PSME4: variants seen among roughly 807,000 people sequenced by gnomAD.
The protein encoded by PSME4 is proteasome activator subunit 4, also known as proteasome activator complex subunit 4.
PSME4 carries 89 observed loss-of-function variants against 253.9 expected under a neutral mutation model. That is an observed-to-expected ratio of 0.35 (90% CI 0.30 to 0.42). The LOEUF (loss-of-function observed/expected upper bound fraction) is 0.42. Among genes scored for constraint, PSME4 ranks in the 10% least tolerant of loss-of-function variants. The pLI is 1.00. For missense variants in PSME4, 2,014 were observed against 2,195.2 expected (o/e 0.92, Z 1.65); for synonymous variants, 851 against 759.2 (o/e 1.12, Z -1.99).
chr2:53,898,133 C>A, intron 30 of PSME4, 134 bp from the exon 31 acceptor site: 1 of 1,177,326 alleles, frequency 8.5e-7, no homozygotes, highest in Non-Finnish European at 1.2e-6. Flanking sequence ...CTGCTCCTAT[C>A]ATTAATCCCA....
At chr2:53,892,639 A>C (rs986642495) in intron 36 of PSME4, among the ~76,000 whole-genome samples, 169 bp downstream of exon 36, 41 of 152,182 alleles carry the variant, frequency 2.7e-4, no homozygotes, top group African/African-American at 9.4e-4. Context: ...GTTCCTAGAG[A>C]CCATTAGGCT....
intron 1 of PSME4, among the ~76,000 whole-genome samples, chr2:53,961,753 T>C (rs565023232): frequency 6.6e-6 from 1 of 152,276 alleles, no homozygotes; most frequent in South Asian, 2.1e-4. Context: ...AACATAAATT[T>C]AATTTCCTCA....
intron 20 of PSME4, among the ~76,000 whole-genome samples, chr2:53,912,601 C>A (rs1268180186): frequency 6.6e-6 from 1 of 152,166 alleles, no homozygotes; most frequent in Non-Finnish European, 1.5e-5. Flanking sequence ...GCTGGTACTA[C>A]AGGTGCACAC....
intron 20 of PSME4, among the ~76,000 whole-genome samples, chr2:53,911,432 A>G (rs1250010994): frequency 6.6e-6 from 1 of 152,172 alleles, no homozygotes; most frequent in Non-Finnish European, 1.5e-5. Flanking sequence ...ATATTTTTGC[A>G]TGATCAAAAA....
chr2:53,919,719 A>T (rs572304231), intron 19 of PSME4, among the ~76,000 whole-genome samples: 2 of 152,286 alleles, frequency 1.3e-5, no homozygotes, highest in Admixed American at 6.5e-5. Flanking sequence ...GTGGTGTTTG[A>T]TACATTAATT....
chr2:53,905,524 G>C (rs951708140), intron 26 of PSME4, among the ~76,000 whole-genome samples: 4 of 152,034 alleles, frequency 2.6e-5, no homozygotes, highest in African/African-American at 9.7e-5. Context: ...AATACAACGA[G>C]ACCTTATCTC....
Position 53,936,754 on chromosome 2 carries a change from G to A in PSME4, c.759+10C>T. On this transcript the variant is annotated intron_variant, in intron 6 of 46. Coordinates refer to ENST00000404125, the MANE Select transcript of PSME4 (RefSeq NM_014614.3). ...TATAGGGGGGAAGAAAGGGAAAAAG[G>A]GATACTTACCCCCTCCCATTGTGGG... 6.4e-7 allele frequency: 1 copy of A among 1,553,262 alleles called. No homozygotes were observed. The highest frequency in any genetic ancestry group is 8.7e-7 in the Non-Finnish European group (1 of 1,149,902).
chr2:53,910,910 A>G (rs955940457), intron 20 of PSME4, among the ~76,000 whole-genome samples: 1 of 152,232 alleles, frequency 6.6e-6, no homozygotes, highest in African/African-American at 2.4e-5. Flanking sequence ...ACATTCTAAA[A>G]GGAAAAAAAG....
intron 9 of PSME4, 44 bp downstream of exon 9, chr2:53,932,624 C>T (rs1298984785): frequency 6.7e-6 from 10 of 1,481,522 alleles, no homozygotes; most frequent in Non-Finnish European, 9.4e-6. Context: ...ATGACCATAT[C>T]TTTAAAAATT....
At chr2:53,969,582 A>C (rs1019458469) in intron 1 of PSME4, among the ~76,000 whole-genome samples, 1 of 152,204 alleles carries the variant, frequency 6.6e-6, no homozygotes, top group Non-Finnish European at 1.5e-5. Context: ...ACAGTTAACC[A>C]AACAAGATAC....
intron 10 of PSME4, among the ~76,000 whole-genome samples, chr2:53,930,694 T>C (rs1668788155): frequency 6.6e-6 from 1 of 152,184 alleles, no homozygotes; most frequent in South Asian, 2.1e-4. Context: ...TTGGTTAAGA[T>C]CTTGAACACG....
At chr2:53,897,175 T>TC (rs1012124055) in intron 31 of PSME4, among the ~76,000 whole-genome samples, 1 of 150,030 alleles carries the variant, frequency 6.7e-6, no homozygotes, top group African/African-American at 2.5e-5. Flanking sequence ...GGGTTTTTTT[T>TC]TTTTTTTTTT....
chr2:53,954,783 G>A (rs1307537699), intron 1 of PSME4, among the ~76,000 whole-genome samples: 1 of 151,968 alleles, frequency 6.6e-6, no homozygotes, highest in Non-Finnish European at 1.5e-5. Context: ...GGAGGTTGCA[G>A]TGAGCCAAGA....
chr2:53,904,224 T>G, intron 26 of PSME4, 68 bp from the exon 27 acceptor site: 1 of 1,396,584 alleles, frequency 7.2e-7, no homozygotes, highest in Non-Finnish European at 9.7e-7. Context: ...TAAAACAAAT[T>G]ATCAAAAACA....
intron 20 of PSME4, among the ~76,000 whole-genome samples, chr2:53,915,780 A>G (rs953549711): frequency 5.9e-5 from 9 of 152,120 alleles, no homozygotes; most frequent in African/African-American, 2.2e-4. Flanking sequence ...AAAAAAAAGA[A>G]TTTTATGAGG....
At chr2:53,939,719 G>T (rs906737685) in intron 4 of PSME4, among the ~76,000 whole-genome samples, 3 of 152,100 alleles carry the variant, frequency 2.0e-5, no homozygotes, top group African/African-American at 7.2e-5. Context: ...AAATAAAGAT[G>T]ATTTTATGTA....
chr2:53,876,225 G>T (rs1679112341), intron 41 of PSME4, among the ~76,000 whole-genome samples: 1 of 152,060 alleles, frequency 6.6e-6, no homozygotes, highest in African/African-American at 2.4e-5. Flanking sequence ...TACTTACTTG[G>T]TATGTTTCAT....
intron 1 of PSME4, 56 bp downstream of exon 1, chr2:53,970,487 A>T: frequency 1.9e-6 from 3 of 1,546,288 alleles, no homozygotes; most frequent in East Asian, 4.9e-5. Context: ...ACCATCCCCG[A>T]CACCTCTCAC....
intron 44 of PSME4, among the ~76,000 whole-genome samples, chr2:53,867,227 A>T (rs565206120): frequency 6.6e-6 from 1 of 152,280 alleles, no homozygotes; most frequent in South Asian, 2.1e-4. Flanking sequence ...GCTGGTGGCC[A>T]GGCATGGTGG....
Sources: allele counts gnomAD v4.1 joint callset (sites outside exome capture counted in the v4.1 genomes callset), GRCh38; gene constraint gnomAD v4.1.1; transcripts MANE v1.5; gene names NCBI Gene and HGNC (gene_info 2026-07-23, HGNC 2026-07-21).